CALN1: variants seen among roughly 807,000 people sequenced by gnomAD.
CALN1 encodes calneuron 1.
Under a neutral mutation model 30.6 loss-of-function variants are expected in CALN1, and 17 were observed. The ratio of observed to expected loss-of-function variants is 0.56; its 90% CI spans 0.38 to 0.83. The LOEUF is 0.83. Among genes scored for constraint, CALN1 ranks in the 40% least tolerant of loss-of-function variants. The pLI is 0.00. For synonymous variants in CALN1, 156 were observed against 131.4 expected, an observed-to-expected ratio of 1.19 and a Z score of -1.28; for missense variants, 291 against 354.9, an observed-to-expected ratio of 0.82 and a Z score of 1.45.
intron 5 of CALN1, among the ~76,000 whole-genome samples, chr7:71,836,657 C>T (rs1025947314): frequency 2.1e-5 from 3 of 141,782 alleles, no homozygotes; most frequent in Non-Finnish European, 3.0e-5. Context: ...AGAGTTCTGT[C>T]GCCCAGGCTG....
intron 1 of CALN1, among the ~76,000 whole-genome samples, chr7:72,411,403 A>G (rs1807136627): frequency 1.3e-5 from 2 of 152,338 alleles, no homozygotes; most frequent in South Asian, 2.1e-4. Flanking sequence ...AAGATTTTCT[A>G]TGTTAGAGAA....
intron 5 of CALN1, among the ~76,000 whole-genome samples, chr7:71,925,495 G>GTTT (rs35167114): frequency 2.2e-5 from 3 of 136,554 alleles, no homozygotes; most frequent in African/African-American, 5.4e-5. Flanking sequence ...GGTTTTTTTG[G>GTTT]TTTTTTTTTT....
chr7:72,473,864 G>A, the CALN1 span, among the ~76,000 whole-genome samples: 1 of 150,552 alleles, frequency 6.6e-6, no homozygotes, highest in Non-Finnish European at 1.5e-5. Flanking sequence ...AGAAGGCGGA[G>A]GTTGCAGTGA....
intron 5 of CALN1, among the ~76,000 whole-genome samples, chr7:71,850,564 G>A (rs1041972534): frequency 1.3e-5 from 2 of 152,136 alleles, no homozygotes; most frequent in Non-Finnish European, 2.9e-5. Context: ...AAATGACTAC[G>A]ATATTATTTG....
At chr7:72,176,249 C>A (rs1789344730) in intron 3 of CALN1, among the ~76,000 whole-genome samples, 1 of 152,198 alleles carries the variant, frequency 6.6e-6, no homozygotes, top group East Asian at 1.9e-4. Context: ...TACAGGCAGA[C>A]CAGGGCTTTG....
chr7:72,353,388 G>A (rs1280193234), intron 2 of CALN1, among the ~76,000 whole-genome samples: 3 of 152,036 alleles, frequency 2.0e-5, no homozygotes, highest in Admixed American at 2.0e-4. Flanking sequence ...TGACAAGGTG[G>A]AGTTTTTTTA....
In CALN1 at chr7:71,910,209, A is replaced by T. The variant is rs564958593; in HGVS notation, c.502-99717T>A. On this transcript the variant is annotated intron_variant, in intron 5 of 6. Coordinates refer to ENST00000395275, the MANE Select transcript of CALN1 (RefSeq NM_031468.4). The stretch of plus-strand genomic sequence containing the variant: ...CACCCAGGAAGACAGAGATTCTATC[A>T]TCTTATGATGCTGCCATATCAACGC... Among the ~76,000 whole-genome samples, 16 of 152,322 alleles carry T rather than the reference A, an allele frequency of 1.1e-4. No homozygotes were observed. The East Asian group carries it at 3.1e-3, about 29-fold the overall frequency.
Position 71,992,580 on chromosome 7 carries a change from A to T in CALN1, c.501+31077T>A, listed in dbSNP as rs954579589. Reference sequence around the variant, plus strand: ...CCTATGTTGCCCAGGTTTGTCTCAAACTCCTGGCTTCAAGCAATCCTCCAG... The same window carrying T: ...CCTATGTTGCCCAGGTTTGTCTCAATCTCCTGGCTTCAAGCAATCCTCCAG... On this transcript the variant is annotated intron_variant, in intron 5 of 6. Coordinates refer to ENST00000395275, the MANE Select transcript of CALN1 (RefSeq NM_031468.4). 3.3e-5 allele frequency among the ~76,000 whole-genome samples: 5 copies of T among 151,988 alleles called. 2 individuals are homozygous for T. Among genetic ancestry groups the T allele is most frequent in the Admixed American group, 3.3e-4 (5 of 15,258 alleles).
chr7:71,992,204 G>A (rs1299434653), intron 5 of CALN1, among the ~76,000 whole-genome samples: 1 of 152,082 alleles, frequency 6.6e-6, no homozygotes, highest in African/African-American at 2.4e-5. Flanking sequence ...TGTTTAAATT[G>A]GAAAGGAAAT....
chr7:71,946,959 C>T lies in CALN1; in HGVS notation c.501+76698G>A, dbSNP rs918988412. The stretch of plus-strand genomic sequence containing the variant: ...TGACCCAAAGCACTAGGATTATAGG[C>T]ATGAACCACCATGCAGAAGCCACGT... On this transcript the variant is annotated intron_variant, in intron 5 of 6. Transcript: ENST00000395275. 3.9e-5 allele frequency among the ~76,000 whole-genome samples: 6 copies of T among 152,186 alleles called. No individual in the cohort carries two copies. The East Asian group carries it at 1.2e-3, about 29-fold the overall frequency.
intron 1 of CALN1, among the ~76,000 whole-genome samples, chr7:72,424,266 G>C (rs1807725398): frequency 6.6e-6 from 1 of 152,054 alleles, no homozygotes; most frequent in African/African-American, 2.4e-5. Flanking sequence ...AGCCCTCCAG[G>C]TTTCCTTCCT....
At chr7:72,319,009 T>G (rs1268673910) in intron 2 of CALN1, among the ~76,000 whole-genome samples, 4 of 152,136 alleles carry the variant, frequency 2.6e-5, no homozygotes, top group Non-Finnish European at 5.9e-5. Flanking sequence ...GAACTACATT[T>G]GATCCAACAA....
intron 5 of CALN1, among the ~76,000 whole-genome samples, chr7:72,012,494 G>T (rs1260375752): frequency 6.6e-6 from 1 of 152,238 alleles, no homozygotes; most frequent in Non-Finnish European, 1.5e-5. Context: ...CCTGGCAACA[G>T]AGTGAGACTC....
chr7:72,010,956 C>G (rs1270503641), intron 5 of CALN1, among the ~76,000 whole-genome samples: 1 of 151,720 alleles, frequency 6.6e-6, no homozygotes, highest in Non-Finnish European at 1.5e-5. Context: ...AGATCAAGAC[C>G]ATCCTGGCCA....
chr7:72,321,660 G>A (rs1347931402), intron 2 of CALN1, among the ~76,000 whole-genome samples: 1 of 152,194 alleles, frequency 6.6e-6, no homozygotes, highest in Non-Finnish European at 1.5e-5. Context: ...AAGTTGGTGA[G>A]GTGCCTGGAG....
rs1357901092 is a variant in CALN1, at chr7:72,247,245, T to C, written c.244+31441A>G. ...TTTCTTTCTTTTTTTTTTTTTTTTT[T>C]TTTTTTTTTTTTTTTTTTTTTGAGA... On this transcript the variant is annotated intron_variant, in intron 3 of 6. Transcript: ENST00000395275. Among the ~76,000 whole-genome samples, 519 of 112,582 alleles carry C rather than the reference T, an allele frequency of 4.6e-3. 33 individuals are homozygous for C. Among genetic ancestry groups the C allele is most frequent in the South Asian group, 9.2e-3 (27 of 2,920 alleles). The allele number at this position is 112,582 out of a possible 152,430, so 73.9% of individuals were successfully genotyped here.
chr7:72,225,173 A>G (rs557747480), intron 3 of CALN1, among the ~76,000 whole-genome samples: 203 of 151,656 alleles, frequency 1.3e-3, no homozygotes, highest in African/African-American at 4.5e-3. Flanking sequence ...GTGGTGCTTC[A>G]CAGGCCCACA....
At chr7:72,114,901 G>C (rs960930699) in intron 3 of CALN1, among the ~76,000 whole-genome samples, 2 of 152,016 alleles carry the variant, frequency 1.3e-5, no homozygotes, top group African/African-American at 2.4e-5. Context: ...GGCTGAGACA[G>C]GAGAATCACT....
intron 5 of CALN1, among the ~76,000 whole-genome samples, chr7:71,896,958 T>G (rs906755995): frequency 1.2e-4 from 18 of 152,168 alleles, no homozygotes; most frequent in African/African-American, 4.3e-4. Flanking sequence ...AGGTTTTCCC[T>G]ATATTCTACA....
Sources: allele counts gnomAD v4.1 joint callset (sites outside exome capture counted in the v4.1 genomes callset), GRCh38; gene constraint gnomAD v4.1.1; transcripts MANE v1.5; gene names NCBI Gene and HGNC (gene_info 2026-07-23, HGNC 2026-07-21).